Variants in MTHFSD observed in about 807,000 individuals in gnomAD.
MTHFSD encodes the protein methenyltetrahydrofolate synthase domain-containing protein.
Under a neutral mutation model 31.1 loss-of-function variants are expected in MTHFSD, and 37 were observed. The observed-to-expected ratio is 1.19, with a 90% CI of 0.91 to 1.56. The LOEUF (loss-of-function observed/expected upper bound fraction) is 1.56. Ranked by LOEUF, MTHFSD falls within the 40% of genes most tolerant of loss-of-function variation. The probability of loss-of-function intolerance (pLI) is 0.00; values close to 1 mark genes in which losing one functional copy is unlikely to be tolerated. For synonymous variants in MTHFSD, 221 were observed against 206.9 expected (o/e 1.07, Z -0.59); for missense variants, 664 against 510.1 (o/e 1.30, Z -2.91).
intron 5 of MTHFSD, among the ~76,000 whole-genome samples, 179 bp downstream of exon 5, chr16:86,546,380 C>T (rs182543584): frequency 2.0e-4 from 30 of 152,262 alleles, no homozygotes; most frequent in Non-Finnish European, 3.4e-4. Context: ...TGGGCTGGGG[C>T]CAGAAGCGGG....
chr16:86,544,848 C>T (rs1972048779), intron 5 of MTHFSD, among the ~76,000 whole-genome samples: 1 of 152,166 alleles, frequency 6.6e-6, no homozygotes, highest in Non-Finnish European at 1.5e-5. Context: ...AAATGTGGTA[C>T]ATATACACTA....
At chr16:86,552,309 C>A (rs570907132) in intron 2 of MTHFSD, 163 bp from the exon 3 acceptor site, 1 of 1,542,090 alleles carries the variant, frequency 6.5e-7, no homozygotes, top group South Asian at 1.2e-5. Flanking sequence ...CCAATGCAAT[C>A]GCACGTTACT....
chr16:86,540,156 C>T (rs191888174), intron 7 of MTHFSD, among the ~76,000 whole-genome samples: 209 of 152,266 alleles, frequency 1.4e-3, no homozygotes, highest in African/African-American at 4.9e-3. Flanking sequence ...TAGAAAGTGA[C>T]TGATTTCCTC....
At chr16:86,539,755 A>G (rs1264331131) in intron 7 of MTHFSD, among the ~76,000 whole-genome samples, 1 of 152,222 alleles carries the variant, frequency 6.6e-6, no homozygotes, top group African/African-American at 2.4e-5. Flanking sequence ...CAACTACTGG[A>G]AAGGTGGAAC....
Position 86,545,986 on chromosome 16 carries a change from T to C in MTHFSD, c.442+573A>G, listed in dbSNP as rs1277853968. Reference sequence around the variant, plus strand: ...CTGGAGACAGCAAGAGGTGGTGTGGTGACCCTGCCCTCTTAGCAAGGGCCC... The same window carrying C: ...CTGGAGACAGCAAGAGGTGGTGTGGCGACCCTGCCCTCTTAGCAAGGGCCC... On this transcript the variant is annotated intron_variant, in intron 5 of 7. Transcript: ENST00000360900. Among the ~76,000 whole-genome samples the C allele has an allele frequency of 2.6e-5, 4 of 152,382 alleles. No individual in the cohort carries two copies. The East Asian group carries it at 7.7e-4, about 29-fold the overall frequency.
rs1970009075 is a variant in MTHFSD, at chr16:86,531,745, C to G, written c.*266G>C. 3.1e-6 allele frequency: 1 copy of G among 327,286 alleles called. No homozygotes were observed. The allele number at this position is 327,286 out of a possible 1,614,324, so 20.3% of individuals were successfully genotyped here. A position where few individuals can be genotyped will look rare whatever the true frequency, so the allele number is the denominator to read the frequency against. ...CCTCTGCTCTGTCCCTCCAGAGAAA[C>G]AGAAACCGACTCAAGGCCCGAGCCT... is the stretch of plus-strand genomic sequence containing the variant. On this transcript the variant is annotated 3_prime_UTR_variant, in exon 8 of 8. Transcript: ENST00000360900. The surrounding 1 kb of genome is among the most constrained non-coding windows in gnomAD (Gnocchi z 5.5).
chr16:86,534,088 A>C (rs1567527736), intron 7 of MTHFSD, among the ~76,000 whole-genome samples: 1 of 152,132 alleles, frequency 6.6e-6, no homozygotes, highest in Non-Finnish European at 1.5e-5. Context: ...TCATAGAAAG[A>C]CTCTGCAAAG....
intron 3 of MTHFSD, among the ~76,000 whole-genome samples, chr16:86,551,808 G>T (rs895841331): frequency 1.3e-5 from 2 of 152,160 alleles, no homozygotes; most frequent in Non-Finnish European, 1.5e-5. Flanking sequence ...CTTTATCTCT[G>T]AATTTAGAAG....
intron 2 of MTHFSD, among the ~76,000 whole-genome samples, chr16:86,554,120 A>G (rs922230556): frequency 9.2e-5 from 14 of 152,110 alleles, no homozygotes; most frequent in African/African-American, 3.1e-4. Flanking sequence ...ACCCTCTCCA[A>G]TCCCCTTCCA....
In MTHFSD at chr16:86,548,454, T is replaced by A. The variant is rs1418529309; in HGVS notation, c.351+10A>T. 17 of 1,607,458 alleles carry A rather than the reference T, an allele frequency of 1.1e-5. No homozygotes were observed. Among genetic ancestry groups the A allele is most frequent in the Admixed American group, 8.4e-5 (5 of 59,820 alleles). The stretch of plus-strand genomic sequence containing the variant: ...CTTTCCTAGGTGGGGACATTGCTTC[T>A]GGTACTTACCTGAGAGGTGGCACAT... On this transcript the variant is annotated intron_variant, in intron 4 of 7. Coordinates refer to ENST00000360900, the MANE Select transcript of MTHFSD (RefSeq NM_001159377.2).
At chr16:86,545,789 G>A (rs984005750) in intron 5 of MTHFSD, among the ~76,000 whole-genome samples, 3 of 152,240 alleles carry the variant, frequency 2.0e-5, no homozygotes, top group African/African-American at 7.2e-5. Flanking sequence ...CCCAGTGCCT[G>A]CCTGGCACAC....
intron 7 of MTHFSD, among the ~76,000 whole-genome samples, chr16:86,535,032 A>C (rs906362672): frequency 3.9e-5 from 6 of 152,244 alleles, no homozygotes; most frequent in African/African-American, 1.4e-4. Flanking sequence ...CTGCGGCAGA[A>C]ATCTGTTTTG....
rs1008896636 is a variant in MTHFSD at position 86,530,314 on chromosome 16, G to A, written c.*1697C>T. 6.6e-6 allele frequency: 1 copy of A among 152,242 alleles called. No individual in the cohort carries two copies. The highest frequency in any genetic ancestry group is 2.4e-5 in the African/African-American group (1 of 41,448). 9.4% of individuals were successfully genotyped at this position (152,242 alleles called of 1,614,324 possible). Reference sequence around the variant, plus strand: ...ATATACCTGGATTATTCTGGCTAAAGCGACAGGAAATCCCAGCAGTCTGGC... The same window carrying A: ...ATATACCTGGATTATTCTGGCTAAAACGACAGGAAATCCCAGCAGTCTGGC... On this transcript the variant is annotated 3_prime_UTR_variant, in exon 8 of 8. Transcript: ENST00000360900.
In MTHFSD at chr16:86,552,303, T is replaced by C. The variant is rs557641739; in HGVS notation, c.124-157A>G. ...AGCATGAGAAGCGCCCTGTTTCCAA[T>C]GCAATCGCACGTTACTGAAAGGACA... On this transcript the variant is annotated intron_variant, in intron 2 of 7. Transcript: ENST00000360900. The C allele has an allele frequency of 4.3e-5, 66 of 1,550,546 alleles. No individual in the cohort carries two copies. The South Asian group carries it at 5.5e-4, about 13-fold the overall frequency.
intron 3 of MTHFSD, among the ~76,000 whole-genome samples, chr16:86,551,503 G>A (rs563785861): frequency 1.3e-5 from 2 of 152,344 alleles, no homozygotes; most frequent in Admixed American, 6.5e-5. Context: ...TGGTTAGGAA[G>A]TTAAAAAATA....
chr16:86,553,973 G>C (rs1380820266), intron 2 of MTHFSD, among the ~76,000 whole-genome samples: 1 of 152,178 alleles, frequency 6.6e-6, no homozygotes, highest in Non-Finnish European at 1.5e-5. Context: ...TTTGTGTCTA[G>C]CTCAGGGATT....
intron 7 of MTHFSD, chr16:86,533,683 G>T (rs1186563215): frequency 9.9e-5 from 15 of 152,118 alleles, no homozygotes; most frequent in Admixed American, 8.5e-4. Context: ...AGGAGCTGGG[G>T]TTCCCTCCCA....
At chr16:86,540,062 A>AT (rs374109793) in intron 7 of MTHFSD, among the ~76,000 whole-genome samples, 4,341 of 150,942 alleles carry the variant, frequency 0.029, 83 homozygotes, top group Non-Finnish European at 0.046. Context: ...GAATTTAGAG[A>AT]TTTTTTTTTT....
At chr16:86,533,651 G>A (rs560106848) in intron 7 of MTHFSD, 1 of 152,288 alleles carries the variant, frequency 6.6e-6, no homozygotes, top group African/African-American at 2.4e-5. Context: ...ATCCTTGGCA[G>A]GGTGAGAGAG....
Sources: gnomAD v4.1 joint callset for allele counts (sites outside exome capture counted in the v4.1 genomes callset) on GRCh38, gnomAD v4.1.1 for gene constraint, Gnocchi (gnomAD v3.1) non-coding constraint, MANE v1.5 for transcripts, NCBI Gene and HGNC (gene_info 2026-07-23, HGNC 2026-07-21) for gene names.